ZNF469: variants seen among roughly 807,000 people sequenced by gnomAD.
ZNF469 encodes zinc finger protein 469.
In ZNF469, 1 loss-of-function variant was observed where a neutral mutation model predicts 1.0. That is an observed-to-expected ratio of 1.00 (90% CI 0.35 to 4.73). ZNF469 has a LOEUF of 4.73. Among genes scored for constraint, ZNF469 ranks in the 30% most tolerant of loss-of-function variants. The pLI is 0.16. For missense variants in ZNF469, 6,100 were observed against 5,356.3 expected (o/e 1.14, Z -4.33); for synonymous variants, 2,703 against 2,363.4 (o/e 1.14, Z -4.17).
the ZNF469 span, among the ~76,000 whole-genome samples, chr16:88,296,425 CAT>C: frequency 6.6e-6 from 1 of 151,592 alleles, no homozygotes; most frequent in Non-Finnish European, 1.5e-5. Context: ...TGCTCACACA[CAT>C]ACATGCACAC....
At chr16:88,298,896 T>C in the ZNF469 span, among the ~76,000 whole-genome samples, 3 of 152,230 alleles carry the variant, frequency 2.0e-5, no homozygotes, top group African/African-American at 7.2e-5. Context: ...TGATCCCTCT[T>C]CTGTGTAAAA....
At chr16:88,276,665 A>G in the ZNF469 span, 1 of 152,342 alleles carries the variant, frequency 6.6e-6, no homozygotes, top group South Asian at 2.1e-4. Context: ...GCTGTATCGC[A>G]TGAAGACAGT....
the ZNF469 span, among the ~76,000 whole-genome samples, chr16:88,310,736 T>C: frequency 6.6e-6 from 1 of 152,152 alleles, no homozygotes; most frequent in African/African-American, 2.4e-5. Context: ...TGCGCCACCA[T>C]GCCCAACTAA....
chr16:88,430,090 T>C lies in ZNF469; in HGVS notation c.2620T>C (p.Ser874Pro). The change falls in exon 3 of 3, where the codon TCC becomes CCC. Residue 874 changes from serine (S) to proline (P), a missense_variant. Physicochemically the swap from Ser to Pro is moderately conservative, Grantham distance 74. Coordinates refer to ENST00000565624, the MANE Select transcript of ZNF469 (RefSeq NM_001367624.2). ...FIDVFADEEPSGPRGPSSGHP... is the reference protein window; with the variant it reads ...FIDVFADEEPPGPRGPSSGHP... ...CGACGTCTTCGCGGACGAGGAGCCT[T>C]CCGGCCCCAGAGGTCCCAGCTCCGG... The C allele has an allele frequency of 6.5e-7, 1 of 1,542,388 alleles. No homozygotes were observed. The highest frequency in any genetic ancestry group is 2.0e-5 in the Admixed American group (1 of 50,536).
the ZNF469 span, among the ~76,000 whole-genome samples, chr16:88,299,405 G>C: frequency 6.6e-6 from 1 of 152,194 alleles, no homozygotes; most frequent in African/African-American, 2.4e-5. Flanking sequence ...GGAGAGGCCG[G>C]AGGGCAGAGG....
At position 88,436,987 on chromosome 16, in the gene ZNF469, G is replaced by A. The variant is rs1012297676; in HGVS notation, c.9517G>A (p.Gly3173Arg). Residue 3173 changes from glycine to arginine, a missense_variant, in exon 3 of 3, where the codon GGG (glycine) becomes AGG (arginine). Gly to Arg is a moderately radical substitution (Grantham distance 125). Transcript: ENST00000565624. ...GGAGAGGCACGCGCAGAGCAAGGCC[G>A]GGCCCTGGGCGTGCGGCATGTGCCT... ...LQERHAQSKA[G>R]PWACGMCLKE... The A allele has an allele frequency of 5.9e-6, 9 of 1,515,588 alleles. No homozygotes were observed. The highest frequency in any genetic ancestry group is 4.9e-5 in the South Asian group (4 of 81,318). 93.9% of individuals were successfully genotyped at this position (1,515,588 alleles called of 1,614,324 possible).
the ZNF469 span, among the ~76,000 whole-genome samples, chr16:88,159,985 A>G: frequency 6.6e-6 from 1 of 152,190 alleles, no homozygotes; most frequent in Non-Finnish European, 1.5e-5. Context: ...TTTGGGCCCA[A>G]GGCTGCCTGG....
chr16:88,213,878 C>T, the ZNF469 span, among the ~76,000 whole-genome samples: 1 of 152,200 alleles, frequency 6.6e-6, no homozygotes, highest in East Asian at 1.9e-4. Context: ...GATGAGAGCT[C>T]AAGAAATACT....
chr16:88,326,989 T>C, the ZNF469 span, among the ~76,000 whole-genome samples: 1 of 152,058 alleles, frequency 6.6e-6, no homozygotes, highest in Non-Finnish European at 1.5e-5. Context: ...TGTCTGTCTT[T>C]GGTTTGAGCT....
chr16:88,433,934 C>T lies in ZNF469; in HGVS notation c.6464C>T (p.Ser2155Phe). 6.5e-7 allele frequency: 1 copy of T among 1,550,152 alleles called. No individual in the cohort carries two copies. The highest frequency in any genetic ancestry group is 8.7e-7 in the Non-Finnish European group (1 of 1,146,890). ...GLGGQLPASP[S>F]CRDPPGPQQL... is the part of the protein sequence containing the mutation. ...GGGGGGCAGCTGCCAGCATCTCCGTCCTGCAGGGACCCTCCCGGCCCCCAG... is the reference window on the plus strand; with the variant it reads ...GGGGGGCAGCTGCCAGCATCTCCGTTCTGCAGGGACCCTCCCGGCCCCCAG... The change falls in exon 3 of 3, where the codon TCC becomes TTC. Residue 2155 changes from serine (S) to phenylalanine (F), a missense_variant. Transcript: ENST00000565624.
the ZNF469 span, among the ~76,000 whole-genome samples, chr16:88,224,039 G>C: frequency 2.0e-5 from 3 of 152,214 alleles, no homozygotes; most frequent in African/African-American, 4.8e-5. Context: ...AATGATAAGA[G>C]CGATGTTGAC....
chr16:88,312,882 G>A, the ZNF469 span, among the ~76,000 whole-genome samples: 6 of 152,116 alleles, frequency 3.9e-5, no homozygotes, highest in South Asian at 2.1e-4. Flanking sequence ...TGGACTCCAC[G>A]CCTCCATGCC....
the ZNF469 span, among the ~76,000 whole-genome samples, chr16:88,269,878 C>A: frequency 3.3e-5 from 5 of 152,178 alleles, no homozygotes; most frequent in African/African-American, 1.2e-4. Context: ...CGTAGATGCT[C>A]CAGGTGCACC....
the ZNF469 span, among the ~76,000 whole-genome samples, chr16:88,279,529 G>C: frequency 1.4e-5 from 2 of 140,602 alleles, no homozygotes; most frequent in Non-Finnish European, 3.0e-5. Context: ...ACTGACACTC[G>C]GTCAGTACCT....
chr16:88,239,605 A>G, the ZNF469 span, among the ~76,000 whole-genome samples: 2 of 138,342 alleles, frequency 1.4e-5, no homozygotes, highest in Non-Finnish European at 3.1e-5. Flanking sequence ...CTCCTGCCTC[A>G]GCCTCCCGAG....
At chr16:88,121,924 C>G in the ZNF469 span, among the ~76,000 whole-genome samples, 1 of 152,250 alleles carries the variant, frequency 6.6e-6, no homozygotes, top group African/African-American at 2.4e-5. Flanking sequence ...GTCCTCTCAT[C>G]AAAGTGATTC....
the ZNF469 span, among the ~76,000 whole-genome samples, chr16:88,125,161 A>C: frequency 6.6e-6 from 1 of 152,102 alleles, no homozygotes; most frequent in Non-Finnish European, 1.5e-5. Flanking sequence ...TTGCTTTAGC[A>C]CTTTGTTGAA....
chr16:88,196,792 C>T, the ZNF469 span, among the ~76,000 whole-genome samples: 7 of 152,226 alleles, frequency 4.6e-5, no homozygotes, highest in African/African-American at 1.7e-4. Flanking sequence ...CCAGGCCACA[C>T]AGAGCAGGAG....
the ZNF469 span, among the ~76,000 whole-genome samples, chr16:88,111,998 G>A: frequency 1.2e-4 from 19 of 152,126 alleles, no homozygotes; most frequent in African/African-American, 3.9e-4. Context: ...AGTTCCATCC[G>A]CGTTGTTCCA....
Sources: gnomAD v4.1 joint callset for allele counts (sites outside exome capture counted in the v4.1 genomes callset) on GRCh38, gnomAD v4.1.1 for gene constraint, MANE v1.5 for transcripts, NCBI Gene and HGNC (gene_info 2026-07-23, HGNC 2026-07-21) for gene names.